The following GMDS variants were observed in gnomAD, a reference collection of about 807,000 sequenced individuals.
GMDS encodes the protein GDP-mannose 4,6 dehydratase.
In GMDS, 20 loss-of-function variants were observed where a neutral mutation model predicts 49.9. The observed-to-expected ratio is 0.40, with a 90% confidence interval of 0.28 to 0.58. GMDS has a LOEUF of 0.58. Among genes scored for constraint, GMDS ranks in the 20% least tolerant of loss-of-function variants. GMDS has a pLI of 0.42. For missense variants in GMDS, 362 were observed against 481.4 expected (o/e 0.75, Z 2.32); for synonymous variants, 177 against 178.6 (o/e 0.99, Z 0.07).
At chr6:1,991,412 A>G (rs894850975) in intron 4 of GMDS, among the ~76,000 whole-genome samples, 1 of 152,018 alleles carries the variant, frequency 6.6e-6, no homozygotes, top group Non-Finnish European at 1.5e-5. Context: ...TTCATTGTCA[A>G]ACACCTTAGA....
At chr6:1,648,068 G>A (rs1763541306) in intron 9 of GMDS, among the ~76,000 whole-genome samples, 1 of 152,136 alleles carries the variant, frequency 6.6e-6, no homozygotes, top group South Asian at 2.1e-4. Flanking sequence ...ATACCTATTT[G>A]CCTATAGTGA....
intron 7 of GMDS, among the ~76,000 whole-genome samples, chr6:1,786,614 T>G (rs1299135687): frequency 6.6e-6 from 1 of 152,032 alleles, no homozygotes. Flanking sequence ...CTGGGCAGTC[T>G]CCTCCCTACA....
intron 4 of GMDS, among the ~76,000 whole-genome samples, chr6:2,034,312 T>C (rs1439467769): frequency 2.0e-5 from 3 of 152,148 alleles, no homozygotes; most frequent in African/African-American, 7.2e-5. Context: ...AAAGATTACA[T>C]ACTGTATTAT....
chr6:1,742,015 G>A (rs562965018), intron 8 of GMDS, among the ~76,000 whole-genome samples: 112 of 150,822 alleles, frequency 7.4e-4, no homozygotes, highest in African/African-American at 2.4e-3. Context: ...TCTGCCTCCC[G>A]GGTTCAAGCG....
intron 1 of GMDS, among the ~76,000 whole-genome samples, chr6:2,150,799 T>C (rs1167163520): frequency 6.6e-6 from 1 of 151,486 alleles, no homozygotes; most frequent in Non-Finnish European, 1.5e-5. Context: ...CCACTTCTGT[T>C]ATCAACACTT....
At chr6:1,966,381 A>C (rs1006983447) in intron 4 of GMDS, among the ~76,000 whole-genome samples, 11 of 151,650 alleles carry the variant, frequency 7.3e-5, no homozygotes, top group East Asian at 5.8e-4. Context: ...TGAAAAAAAA[A>C]AAAAACCAAG....
intron 2 of GMDS, among the ~76,000 whole-genome samples, chr6:2,120,686 T>C (rs1157459248): frequency 6.9e-6 from 1 of 145,738 alleles, no homozygotes; most frequent in African/African-American, 2.8e-5. Context: ...TACAAAAGTG[T>C]GTTGGTTTAT....
intron 9 of GMDS, among the ~76,000 whole-genome samples, chr6:1,636,358 G>A (rs1209554236): frequency 6.6e-6 from 1 of 152,250 alleles, no homozygotes; most frequent in Non-Finnish European, 1.5e-5. Context: ...GGATTCCTGA[G>A]TTTGGAGAAG....
At chr6:1,633,512 G>C (rs1763057484) in intron 9 of GMDS, among the ~76,000 whole-genome samples, 1 of 152,170 alleles carries the variant, frequency 6.6e-6, no homozygotes, top group Non-Finnish European at 1.5e-5. Context: ...GAGTGCGAGG[G>C]AGCGACTGCA....
intron 4 of GMDS, among the ~76,000 whole-genome samples, chr6:2,102,462 G>T (rs1307544257): frequency 6.6e-6 from 1 of 152,150 alleles, no homozygotes; most frequent in Non-Finnish European, 1.5e-5. Flanking sequence ...AGATTTGCCT[G>T]CTTGAGACAC....
At chr6:2,175,765 A>G in intron 1 of GMDS, among the ~76,000 whole-genome samples, 1 of 152,338 alleles carries the variant, frequency 6.6e-6, no homozygotes, top group African/African-American at 2.4e-5. Flanking sequence ...TCTATTAACA[A>G]TAAGAGTAAT....
chr6:2,092,642 A>G (rs1432674932), intron 4 of GMDS, among the ~76,000 whole-genome samples: 1 of 152,206 alleles, frequency 6.6e-6, no homozygotes, highest in Non-Finnish European at 1.5e-5. Flanking sequence ...CTGAGATTCT[A>G]TGGTACTAGA....
chr6:1,729,929 A>G (rs982374971), intron 8 of GMDS, among the ~76,000 whole-genome samples: 3 of 152,228 alleles, frequency 2.0e-5, no homozygotes, highest in Admixed American at 6.5e-5. Context: ...AGGAGCAACA[A>G]AAGCAAAGTC....
chr6:1,761,955 G>T (rs1338051890), intron 7 of GMDS, among the ~76,000 whole-genome samples: 1 of 152,228 alleles, frequency 6.6e-6, no homozygotes, highest in East Asian at 1.9e-4. Context: ...CAGAGACTTT[G>T]CAAGGAGGAA....
chr6:2,065,272 T>C (rs1189576329), intron 4 of GMDS, among the ~76,000 whole-genome samples: 2 of 152,126 alleles, frequency 1.3e-5, no homozygotes, highest in African/African-American at 4.8e-5. Context: ...AACCCATCTG[T>C]ACATCACCAT....
intron 1 of GMDS, among the ~76,000 whole-genome samples, chr6:2,164,090 T>C (rs1262299460): frequency 1.3e-5 from 2 of 152,238 alleles, no homozygotes; most frequent in African/African-American, 4.8e-5. Flanking sequence ...GGCCACCTTT[T>C]GGTCCATGGT....
intron 9 of GMDS, among the ~76,000 whole-genome samples, chr6:1,642,972 C>T (rs1433839029): frequency 6.6e-6 from 1 of 152,202 alleles, no homozygotes; most frequent in Non-Finnish European, 1.5e-5. Flanking sequence ...TTTTAAACAG[C>T]CCTGGTCTTA....
chr6:1,717,019 A>G, intron 9 of GMDS, among the ~76,000 whole-genome samples: 1 of 152,338 alleles, frequency 6.6e-6, no homozygotes, highest in South Asian at 2.1e-4. Context: ...ACAACATGCT[A>G]TCCATTCCAT....
At chr6:1,955,465 T>C (rs192879375) in intron 6 of GMDS, among the ~76,000 whole-genome samples, 302 of 152,322 alleles carry the variant, frequency 2.0e-3, no homozygotes, top group Middle Eastern at 0.017. Context: ...CTTATAGACA[T>C]TTAATTCTAA....
Sources: allele counts gnomAD v4.1 joint callset (sites outside exome capture counted in the v4.1 genomes callset), GRCh38; gene constraint gnomAD v4.1.1; transcripts MANE v1.5; gene names NCBI Gene and HGNC (gene_info 2026-07-23, HGNC 2026-07-21).